The following LHFPL4 variants were observed in gnomAD, a reference collection of about 807,000 sequenced individuals.
LHFPL4 encodes LHFPL tetraspan subfamily member 4.
In LHFPL4, 6 loss-of-function variants were observed where a neutral mutation model predicts 20.0. That is an observed-to-expected ratio of 0.30 (90% CI 0.16 to 0.59). The LOEUF is 0.59. Among genes scored for constraint, LHFPL4 ranks in the 20% least tolerant of loss-of-function variants. The pLI is 0.88. For synonymous variants in LHFPL4, 129 were observed against 143.8 expected (o/e 0.90, Z 0.74); for missense variants, 215 against 331.2 (o/e 0.65, Z 2.72).
chr3:9,506,236 G>A lies in LHFPL4; in HGVS notation c.407-33C>T, dbSNP rs778620183. On this transcript the variant is annotated intron_variant, in intron 2 of 3. Transcript: ENST00000287585. This position sits in a 1 kb window ranked among gnomAD's most constrained non-coding sequence, Gnocchi z 4.5. ...GCAGAGCACCGGGCCCACCACCACG[G>A]TCAGGAAGGAAGAGAAAAGACCATT... 1.9e-6 allele frequency: 3 copies of A among 1,551,884 alleles called. No individual in the cohort carries two copies. The highest frequency in any genetic ancestry group is 1.1e-5 in the South Asian group (1 of 89,802).
intron 2 of LHFPL4, among the ~76,000 whole-genome samples, chr3:9,522,770 G>A (rs953455787): frequency 3.3e-5 from 5 of 151,372 alleles, no homozygotes; most frequent in African/African-American, 1.2e-4. Flanking sequence ...GGCCAGGCAT[G>A]GTGGCTCACC....
intron 2 of LHFPL4, among the ~76,000 whole-genome samples, chr3:9,549,361 A>G (rs1458870318): frequency 1.3e-5 from 2 of 152,182 alleles, no homozygotes; most frequent in East Asian, 3.8e-4. Flanking sequence ...CAATGCCCCC[A>G]TGCTCTGCAC....
chr3:9,531,771 G>C (rs1455647700), intron 2 of LHFPL4, among the ~76,000 whole-genome samples: 1 of 151,286 alleles, frequency 6.6e-6, no homozygotes, highest in East Asian at 1.9e-4. Context: ...CTGCACTCCA[G>C]CCTGGGTAAC....
At chr3:9,511,350 C>CA (rs74730069) in intron 2 of LHFPL4, among the ~76,000 whole-genome samples, 10,719 of 121,944 alleles carry the variant, frequency 0.088, 461 homozygotes, top group African/African-American at 0.11. Context: ...GACTCCATCT[C>CA]AAAAAAAAAA....
intron 3 of LHFPL4, 24 bp from the exon 4 acceptor site, chr3:9,502,335 A>G: frequency 1.4e-6 from 2 of 1,450,016 alleles, no homozygotes; most frequent in South Asian, 1.1e-5. Context: ...AGAGAGAGAG[A>G]AGGAGAGAGA....
chr3:9,512,220 C>T (rs538482163), intron 2 of LHFPL4, among the ~76,000 whole-genome samples: 2 of 152,326 alleles, frequency 1.3e-5, no homozygotes, highest in East Asian at 1.9e-4. Flanking sequence ...CGTGAGCCAC[C>T]GCGCCGGCCT....
At position 9,525,717 on chromosome 3, in the gene LHFPL4, GA is replaced by G. The variant is rs1334041817; in HGVS notation, c.407-19515del. Among the ~76,000 whole-genome samples the G allele has an allele frequency of 2.0e-5, 3 of 151,978 alleles. No homozygotes were observed. The East Asian group carries it at 5.8e-4, about 29-fold the overall frequency. ...AGATTTCTTTGACACAACGTCATCTGAAAAAAAGCAATCATAATTTTAAAAA... is the reference window on the plus strand; with the variant it reads ...AGATTTCTTTGACACAACGTCATCTGAAAAAAGCAATCATAATTTTAAAAA... On this transcript the variant is annotated intron_variant, in intron 2 of 3. Coordinates refer to ENST00000287585, the MANE Select transcript of LHFPL4 (RefSeq NM_198560.3).
chr3:9,501,898 T>C lies in LHFPL4; in HGVS notation c.*313A>G. ...GCTGGAACTACAGCTCCGCTCTCCCTGGGGATCTGCAGGGACCTCCAGGCC... is the reference window on the plus strand; with the variant it reads ...GCTGGAACTACAGCTCCGCTCTCCCCGGGGATCTGCAGGGACCTCCAGGCC... On this transcript the variant is annotated 3_prime_UTR_variant, in exon 4 of 4. Coordinates refer to ENST00000287585, the MANE Select transcript of LHFPL4 (RefSeq NM_198560.3). 3.0e-6 allele frequency: 1 copy of C among 332,060 alleles called. No homozygotes were observed. 20.6% of individuals were successfully genotyped at this position (332,060 alleles called of 1,614,324 possible).
At position 9,505,965 on chromosome 3, in the gene LHFPL4, G is replaced by A. The variant is rs747204949; in HGVS notation, c.643+2C>T. The stretch of plus-strand genomic sequence containing the variant: ...CTGCCCCCCAGCCCACAGCACACTC[G>A]CCTTTGTTCTCCGGCTTGAGCTCCT... On this transcript the variant is annotated splice_donor_variant, in intron 3 of 3. Transcript: ENST00000287585. LOFTEE classifies it low-confidence loss of function (GC_TO_GT_DONOR). The A allele has an allele frequency of 2.8e-5, 45 of 1,613,614 alleles. No individual in the cohort carries two copies. The highest frequency in any genetic ancestry group is 4.4e-5 in the South Asian group (4 of 91,032).
At chr3:9,532,416 C>T (rs912666797) in intron 2 of LHFPL4, among the ~76,000 whole-genome samples, 2 of 152,120 alleles carry the variant, frequency 1.3e-5, no homozygotes, top group Non-Finnish European at 2.9e-5. Flanking sequence ...TCATAGCTCA[C>T]TGCAGCCTCA....
chr3:9,527,918 A>G (rs1000182493), intron 2 of LHFPL4, among the ~76,000 whole-genome samples: 2 of 152,156 alleles, frequency 1.3e-5, no homozygotes, highest in African/African-American at 4.8e-5. Context: ...ATTGCAATAA[A>G]GCAAGTCACA....
At chr3:9,526,238 C>T (rs767191526) in intron 2 of LHFPL4, among the ~76,000 whole-genome samples, 1 of 151,766 alleles carries the variant, frequency 6.6e-6, no homozygotes, top group African/African-American at 2.4e-5. Flanking sequence ...GGGAGGAATG[C>T]GGAGTTAGTG....
chr3:9,537,580 C>G (rs1419483791), intron 2 of LHFPL4, among the ~76,000 whole-genome samples: 1 of 152,142 alleles, frequency 6.6e-6, no homozygotes, highest in African/African-American at 2.4e-5. Flanking sequence ...GCCACATCCA[C>G]CTCTAGGATT....
At chr3:9,517,792 GGTTTTTTTGTTTTTT>G (rs1009142751) in intron 2 of LHFPL4, among the ~76,000 whole-genome samples, 3 of 131,010 alleles carry the variant, frequency 2.3e-5, no homozygotes, top group African/African-American at 8.2e-5. Context: ...TAGGAGGTTG[GGTTTTTTTGTTTTTT>G]GTTTTTTTTT....
At chr3:9,537,684 C>T (rs1050880159) in intron 2 of LHFPL4, among the ~76,000 whole-genome samples, 2 of 152,162 alleles carry the variant, frequency 1.3e-5, no homozygotes, top group African/African-American at 4.8e-5. Context: ...TCCTCAGCCC[C>T]TCAATTGCTA....
chr3:9,531,081 G>A (rs1214216172), intron 2 of LHFPL4, among the ~76,000 whole-genome samples: 3 of 152,158 alleles, frequency 2.0e-5, no homozygotes, highest in Non-Finnish European at 4.4e-5. Context: ...ATCAAAATAC[G>A]CACATTTATT....
intron 2 of LHFPL4, among the ~76,000 whole-genome samples, chr3:9,520,877 C>G (rs542321278): frequency 2.6e-5 from 4 of 152,184 alleles, no homozygotes; most frequent in Admixed American, 1.3e-4. Context: ...GAATGTGTAT[C>G]CTGCTGCTGT....
chr3:9,503,320 A>G (rs763068566), intron 3 of LHFPL4, among the ~76,000 whole-genome samples: 5 of 152,214 alleles, frequency 3.3e-5, no homozygotes, highest in Non-Finnish European at 5.9e-5. Flanking sequence ...ACTTCACATC[A>G]GTCACATCCC....
At chr3:9,540,104 ATCCTT>A in intron 2 of LHFPL4, among the ~76,000 whole-genome samples, 1 of 152,210 alleles carries the variant, frequency 6.6e-6, no homozygotes, top group East Asian at 1.9e-4. Flanking sequence ...CTAGGGCTTT[ATCCTT>A]ATACTTACAT....
Sources: gnomAD v4.1 joint callset for allele counts (sites outside exome capture counted in the v4.1 genomes callset) on GRCh38, gnomAD v4.1.1 for gene constraint, Gnocchi (gnomAD v3.1) non-coding constraint, MANE v1.5 for transcripts, NCBI Gene and HGNC (gene_info 2026-07-23, HGNC 2026-07-21) for gene names.